MAPKBP1: variants seen among roughly 807,000 people sequenced by gnomAD.
The protein encoded by MAPKBP1 is mitogen-activated protein kinase-binding protein 1.
Under a neutral mutation model 170.5 loss-of-function variants are expected in MAPKBP1, and 71 were observed. The observed-to-expected ratio is 0.42, with a 90% CI of 0.34 to 0.51. The LOEUF is 0.51. Ranked by LOEUF, MAPKBP1 falls within the 20% of genes least tolerant of loss-of-function variation. The pLI, the probability that MAPKBP1 is intolerant of heterozygous loss-of-function variation, is 0.06. For synonymous variants in MAPKBP1, 719 were observed against 757.9 expected, an observed-to-expected ratio of 0.95 and a Z score of 0.84; for missense variants, 1,598 against 1,933.0, an observed-to-expected ratio of 0.83 and a Z score of 3.25.
chr15:41,775,412 T>A, intron 2 of MAPKBP1, 23 bp downstream of exon 2: 2 of 1,577,162 alleles, frequency 1.3e-6, no homozygotes, highest in Non-Finnish European at 1.7e-6. Flanking sequence ...GGGATCCACC[T>A]CTTTCCAAAC....
At chr15:41,819,554 G>GT in intron 21 of MAPKBP1, 41 bp from the exon 22 acceptor site, 1 of 1,495,298 alleles carries the variant, frequency 6.7e-7, no homozygotes, top group South Asian at 1.1e-5. Flanking sequence ...TGGCGGGGGG[G>GT]GGGCAGGAGA....
chr15:41,806,662 T>A (rs1220087936), intron 3 of MAPKBP1, among the ~76,000 whole-genome samples: 2 of 152,192 alleles, frequency 1.3e-5, no homozygotes, highest in African/African-American at 2.4e-5. Context: ...GCAGCCGCCC[T>A]GCACCCTCAG....
At position 41,822,272 on chromosome 15, in the gene MAPKBP1, C is replaced by T. The variant is rs749170397; in HGVS notation, c.3079C>T (p.Leu1027Phe). The T allele has an allele frequency of 3.0e-5, 49 of 1,614,052 alleles. No homozygotes were observed. In the South Asian group the frequency reaches 5.1e-4, roughly 17 times the overall value. Residue 1027 changes from leucine (L) to phenylalanine (F), a missense_variant, in exon 26 of 31, where the codon CTT becomes TTT. Leu to Phe is a conservative substitution (Grantham distance 22). Around this residue, in one of 6 missense-constraint regions of MAPKBP1, gnomAD observed 942 missense variants for 953.2 expected, o/e 0.99. Coordinates refer to ENST00000457542, the MANE Select transcript of MAPKBP1 (RefSeq NM_014994.3). Reference protein sequence around the residue: ...PLSVDGISSDLEEPAEGDEEE... With the variant: ...PLSVDGISSDFEEPAEGDEEE... ...CAGTGTGGATGGCATCTCCTCAGAC[C>T]TTGAAGAGCCAGCTGAGGGTGATGA...
In MAPKBP1 at chr15:41,781,399, G is replaced by T. The variant is rs200011090; in HGVS notation, c.114+6010G>T. 9.6e-4 allele frequency among the ~76,000 whole-genome samples: 135 copies of T among 140,356 alleles called. 2 individuals carry two copies. The highest frequency in any genetic ancestry group is 3.6e-3 in the Middle Eastern group (1 of 276). 92.1% of individuals were successfully genotyped at this position (140,356 alleles called of 152,430 possible). ...GTAAAACAATGCTGTGGGTTTTTTT[G>T]TTTTTTTTTTTTTCTTGCTGGGATT... On this transcript the variant is annotated intron_variant, in intron 2 of 30. Coordinates refer to ENST00000457542, the MANE Select transcript of MAPKBP1 (RefSeq NM_014994.3).
intron 1 of MAPKBP1, 67 bp from the exon 2 acceptor site, chr15:41,775,098 TAA>T (rs1160704647): frequency 1.7e-6 from 1 of 601,096 alleles, no homozygotes; most frequent in African/African-American, 1.9e-5. Flanking sequence ...TACCCAGAGG[TAA>T]AAGCTGCAGA....
rs149937701 is a variant in MAPKBP1 at position 41,821,744 on chromosome 15, A to G, written c.2879A>G (p.Asp960Gly). 1 of 1,613,370 alleles carries G rather than the reference A, an allele frequency of 6.2e-7. No individual in the cohort carries two copies. The highest frequency in any genetic ancestry group is 8.5e-7 in the Non-Finnish European group (1 of 1,179,920). The change falls in exon 24 of 31, where the codon GAT becomes GGT. Residue 960 changes from aspartate (D) to glycine (G), a missense_variant. By Grantham distance (94) the Asp-to-Gly change is moderately conservative. This residue lies in a region of MAPKBP1 where 942 missense variants were observed against 953.2 expected (regional missense o/e 0.99). Transcript: ENST00000457542. ...YPEPSDNPTM[D>G]TSEFQVQAPA... is the part of the protein sequence containing the mutation. The stretch of plus-strand genomic sequence containing the variant: ...GAGCCGAGTGACAACCCCACCATGG[A>G]TACCAGGCAAGGATCCTGCCCTAGC...
intron 13 of MAPKBP1, 36 bp downstream of exon 13, chr15:41,816,686 C>T: frequency 6.3e-7 from 1 of 1,579,702 alleles, no homozygotes; most frequent in South Asian, 1.1e-5. Context: ...AGGGCTCCTC[C>T]AGTCCTGCCG....
chr15:41,781,032 A>AT (rs2064177477), intron 2 of MAPKBP1, among the ~76,000 whole-genome samples: 1 of 148,444 alleles, frequency 6.7e-6, no homozygotes, highest in African/African-American at 2.5e-5. Flanking sequence ...CCCCCCTCTC[A>AT]TTTTGTCACA....
chr15:41,809,482 C>T (rs1476442084), intron 3 of MAPKBP1, among the ~76,000 whole-genome samples: 1 of 152,194 alleles, frequency 6.6e-6, no homozygotes, highest in Non-Finnish European at 1.5e-5. Context: ...TTCAAGTTTC[C>T]AGCCAGTAGT....
rs1243542619 is a variant in MAPKBP1, at chr15:41,813,089, G to A, written c.807G>A (p.Trp269Ter). 6.2e-7 allele frequency: 1 copy of A among 1,604,970 alleles called. No individual in the cohort carries two copies. The highest frequency in any genetic ancestry group is 1.3e-5 in the African/African-American group (1 of 74,838). The change falls in exon 8 of 31, where the codon TGG becomes TGA. Residue 269 changes from tryptophan to a stop codon, truncating the protein, a stop_gained. Transcript: ENST00000457542. LOFTEE classifies it high-confidence loss of function. ...GTGATCGAAGGCTTTTGGACAAGTG[G>A]GTGGAGCTGAGGGTAAGTACCTCCG... Reference protein sequence around the residue: ...EFSDRRLLDKWVELRTTVAHC... With the variant: ...EFSDRRLLDK
At chr15:41,803,434 A>AAAAAAAAG (rs58804270) in intron 3 of MAPKBP1, among the ~76,000 whole-genome samples, 20,936 of 89,138 alleles carry the variant, frequency 0.23, 5,769 homozygotes, top group Non-Finnish European at 0.3. Context: ...AAAAAAAAAA[A>AAAAAAAAG]AGGTTAAGCA....
At chr15:41,812,703 C>T (rs1434762996) in intron 7 of MAPKBP1, 50 bp downstream of exon 7, 1 of 1,539,790 alleles carries the variant, frequency 6.5e-7, no homozygotes. Flanking sequence ...GCAGGGCCTG[C>T]CCAGCCCAAC....
intron 2 of MAPKBP1, among the ~76,000 whole-genome samples, chr15:41,786,255 G>A (rs1478592331): frequency 6.6e-6 from 1 of 152,012 alleles, no homozygotes; most frequent in African/African-American, 2.4e-5. Context: ...AGGGATAGTA[G>A]ATTATGATGG....
At chr15:41,813,595 G>A (rs2064841152) in intron 8 of MAPKBP1, 26 bp from the exon 9 acceptor site, 1 of 1,608,688 alleles carries the variant, frequency 6.2e-7, no homozygotes, top group African/African-American at 1.3e-5. Context: ...AGGTGGCCTT[G>A]CTGAGCTGAG....
intron 5 of MAPKBP1, 74 bp downstream of exon 5, chr15:41,811,309 A>G: frequency 6.5e-7 from 1 of 1,533,148 alleles, no homozygotes; most frequent in Non-Finnish European, 9.0e-7. Flanking sequence ...CTGCGGTCCT[A>G]GGCCTGCTGT....
chr15:41,777,741 T>C (rs1385709574), intron 2 of MAPKBP1, among the ~76,000 whole-genome samples: 1 of 152,236 alleles, frequency 6.6e-6, no homozygotes, highest in Non-Finnish European at 1.5e-5. Flanking sequence ...TCTAGTGTAT[T>C]AAGCTCTGTG....
rs185610816 is a variant in MAPKBP1, at chr15:41,786,523, G to C, written c.114+11134G>C. ...CTCACACCTGTAATCCCAGCACTTTGGGAGGCCAAGGCGGGCGGATCACAA... is the reference window on the plus strand; with the variant it reads ...CTCACACCTGTAATCCCAGCACTTTCGGAGGCCAAGGCGGGCGGATCACAA... On this transcript the variant is annotated intron_variant, in intron 2 of 30. Transcript: ENST00000457542. Among the ~76,000 whole-genome samples, 43 of 151,660 alleles carry C rather than the reference G, an allele frequency of 2.8e-4. No individual in the cohort carries two copies. The East Asian group carries it at 7.9e-3, about 28-fold the overall frequency.
At chr15:41,808,694 T>C (rs1269796582) in intron 3 of MAPKBP1, among the ~76,000 whole-genome samples, 2 of 151,486 alleles carry the variant, frequency 1.3e-5, no homozygotes, top group Non-Finnish European at 2.9e-5. Flanking sequence ...CAGCCTGATC[T>C]CGAACTCCTG....
At position 41,822,238 on chromosome 15, in the gene MAPKBP1, G is replaced by A. The variant is rs780377381; in HGVS notation, c.3045G>A (p.Thr1015=). ...CCCCACACCCAGACTCTGAGAGCAC[G>A]GAGCCCCTCAGTGTGGATGGCATCT... ...PEHPTEDSES[T]EPLSVDGISS... The change falls in exon 26 of 31, where the codon ACG becomes ACA. Residue 1015 remains threonine, a synonymous_variant. Transcript: ENST00000457542. The A allele has an allele frequency of 1.2e-5, 20 of 1,612,846 alleles. No homozygotes were observed. The highest frequency in any genetic ancestry group is 1.1e-4 in the East Asian group (5 of 44,850).
Sources: gnomAD v4.1 joint callset for allele counts (sites outside exome capture counted in the v4.1 genomes callset) on GRCh38, gnomAD v4.1.1 for gene constraint, gnomAD v4.1.1 regional missense constraint, MANE v1.5 for transcripts, NCBI Gene and HGNC (gene_info 2026-07-23, HGNC 2026-07-21) for gene names.